The following VAV1 variants were observed in gnomAD, a reference collection of about 807,000 sequenced individuals.
VAV1 encodes the protein proto-oncogene vav.
VAV1 carries 33 observed loss-of-function variants against 128.1 expected under a neutral mutation model. That is an observed-to-expected ratio of 0.26 (90% CI 0.20 to 0.34). The LOEUF is 0.34. VAV1 is among the 10% of genes least tolerant of loss of function. The probability of loss-of-function intolerance (pLI) is 1.00; values close to 1 mark genes in which losing one functional copy is unlikely to be tolerated. For synonymous variants in VAV1, 394 were observed against 409.8 expected (o/e 0.96, Z 0.47); for missense variants, 715 against 1,093.7 (o/e 0.65, Z 4.88).
At chr19:6,813,986 A>C (rs1971567952) in intron 1 of VAV1, among the ~76,000 whole-genome samples, 1 of 152,154 alleles carries the variant, frequency 6.6e-6, no homozygotes, top group African/African-American at 2.4e-5. Flanking sequence ...TTTGAGCCCA[A>C]GAGGTCAAGG....
intron 1 of VAV1, among the ~76,000 whole-genome samples, chr19:6,793,048 T>C (rs958536504): frequency 3.3e-5 from 5 of 151,854 alleles, no homozygotes; most frequent in Non-Finnish European, 7.4e-5. Flanking sequence ...AAGGACCATA[T>C]ATATGGCCGG....
At chr19:6,781,378 C>A (rs1027152659) in intron 1 of VAV1, among the ~76,000 whole-genome samples, 3 of 152,170 alleles carry the variant, frequency 2.0e-5, no homozygotes, top group African/African-American at 7.2e-5. Flanking sequence ...TCTCTGCCGC[C>A]TCCCCGACAG....
intron 1 of VAV1, among the ~76,000 whole-genome samples, chr19:6,776,063 T>C (rs1381451060): frequency 6.7e-6 from 1 of 149,160 alleles, no homozygotes; most frequent in Non-Finnish European, 1.5e-5. Flanking sequence ...CATCTACCCA[T>C]CCATCCATCC....
At position 6,829,792 on chromosome 19, in the gene VAV1, C is replaced by T. The variant is rs1194130531; in HGVS notation, c.1272C>T (p.Ala424=). ...VERRSKMDRY[A]FLLDKALLIC... ...GCGTTATCCATCCTTCCAGGTATGC[C>T]TTCCTGCTCGACAAAGCTCTACTCA... The change falls in exon 14 of 27, where the codon GCC becomes GCT. Residue 424 remains alanine, a synonymous_variant. Transcript: ENST00000602142. The T allele has an allele frequency of 6.2e-7, 1 of 1,614,102 alleles. No homozygotes were observed. Among genetic ancestry groups the T allele is most frequent in the Non-Finnish European group, 8.5e-7 (1 of 1,179,988 alleles).
At chr19:6,789,414 A>G (rs2144710202) in intron 1 of VAV1, among the ~76,000 whole-genome samples, 2 of 151,960 alleles carry the variant, frequency 1.3e-5, no homozygotes, top group South Asian at 4.2e-4. Flanking sequence ...CACCATGCCC[A>G]GCTAATTTTT....
In VAV1 at chr19:6,848,252, G is replaced by C. The variant is rs191404005; in HGVS notation, c.2129+138G>C. On this transcript the variant is annotated intron_variant, in intron 23 of 26. Transcript: ENST00000602142. ...TTACTGAGCCCCTGCTGGTTCCCAC[G>C]TGCCTTTCACCTTCTTTATTTCTTT... The C allele has an allele frequency of 7.8e-6, 5 of 641,670 alleles. No individual in the cohort carries two copies. In the Admixed American group the frequency reaches 1.2e-4, roughly 15 times the overall value. The allele number at this position is 641,670 out of a possible 1,614,324, so 39.7% of individuals were successfully genotyped here.
At chr19:6,776,689 C>G (rs1198155406) in intron 1 of VAV1, among the ~76,000 whole-genome samples, 2 of 151,786 alleles carry the variant, frequency 1.3e-5, no homozygotes. Context: ...CCCATCCACC[C>G]ACCCACCCAT....
rs1259575437 is a variant in VAV1 at position 6,777,350 on chromosome 19, C to A, written c.204+4339C>A. The stretch of plus-strand genomic sequence containing the variant: ...GGGGACAGTGGGAATAGCACACACA[C>A]ACAAAAACCCCTGTTGTTGAGGAGC... On this transcript the variant is annotated intron_variant, in intron 1 of 26. Coordinates refer to ENST00000602142, the MANE Select transcript of VAV1 (RefSeq NM_005428.4). This position sits in a 1 kb window ranked among gnomAD's most constrained non-coding sequence, Gnocchi z 4.4. 6.6e-6 allele frequency among the ~76,000 whole-genome samples: 1 copy of A among 152,102 alleles called. No homozygotes were observed. Among genetic ancestry groups the A allele is most frequent in the Non-Finnish European group, 1.5e-5 (1 of 68,040 alleles).
intron 1 of VAV1, among the ~76,000 whole-genome samples, chr19:6,785,364 G>A (rs1264426778): frequency 3.3e-5 from 5 of 151,850 alleles, no homozygotes; most frequent in Non-Finnish European, 7.4e-5. Flanking sequence ...CGGGGTCTCT[G>A]TCTATTGTCC....
intron 1 of VAV1, among the ~76,000 whole-genome samples, chr19:6,778,874 CT>C (rs1033290621): frequency 0.019 from 2,744 of 142,274 alleles, 63 homozygotes; most frequent in African/African-American, 0.055. Context: ...CCCGTCTCTA[CT>C]TTTTTTTTTT....
chr19:6,817,142 G>A (rs903929997), intron 1 of VAV1, among the ~76,000 whole-genome samples: 10 of 151,508 alleles, frequency 6.6e-5, no homozygotes, highest in African/African-American at 2.4e-4. Flanking sequence ...TCCGCCTCCT[G>A]GTTCAAGCAA....
chr19:6,850,661 T>G lies in VAV1; in HGVS notation c.2130-9T>G. The G allele has an allele frequency of 6.2e-7, 1 of 1,613,966 alleles. No individual in the cohort carries two copies. The highest frequency in any genetic ancestry group is 8.5e-7 in the Non-Finnish European group (1 of 1,179,930). The stretch of plus-strand genomic sequence containing the variant: ...CCAGACTCAGGGCCCGGTGACCATC[T>G]GGTTCCAGATATAACGTCGAGGTCA... On this transcript the variant is annotated splice_polypyrimidine_tract_variant and intron_variant, in intron 23 of 26. Coordinates refer to ENST00000602142, the MANE Select transcript of VAV1 (RefSeq NM_005428.4).
chr19:6,785,032 T>C (rs1391706928), intron 1 of VAV1, among the ~76,000 whole-genome samples: 2 of 152,220 alleles, frequency 1.3e-5, no homozygotes, highest in Non-Finnish European at 2.9e-5. Context: ...CATTGCTCTC[T>C]GCACCGCAGC....
chr19:6,791,414 G>A (rs1049305795), intron 1 of VAV1, among the ~76,000 whole-genome samples: 8 of 151,744 alleles, frequency 5.3e-5, no homozygotes, highest in Non-Finnish European at 1.2e-4. Flanking sequence ...CTCATCTCGA[G>A]GTCCTTGAGC....
chr19:6,812,743 G>A (rs1971540411), intron 1 of VAV1, among the ~76,000 whole-genome samples: 1 of 152,132 alleles, frequency 6.6e-6, no homozygotes, highest in Non-Finnish European at 1.5e-5. Context: ...AGATGATGAT[G>A]GTGGTGATGC....
At chr19:6,839,031 T>G (rs1010225619) in intron 21 of VAV1, among the ~76,000 whole-genome samples, 1 of 152,038 alleles carries the variant, frequency 6.6e-6, no homozygotes, top group Non-Finnish European at 1.5e-5. Flanking sequence ...GCCTCCTGAG[T>G]AGCTAGGATT....
intron 1 of VAV1, among the ~76,000 whole-genome samples, chr19:6,792,261 C>T (rs1971034108): frequency 6.6e-6 from 1 of 151,888 alleles, no homozygotes; most frequent in Non-Finnish European, 1.5e-5. Context: ...GTGATGGTGG[C>T]CTCGACTGGG....
chr19:6,854,544 C>T (rs1448686817), intron 26 of VAV1, among the ~76,000 whole-genome samples: 1 of 151,936 alleles, frequency 6.6e-6, no homozygotes, highest in Admixed American at 6.6e-5. Flanking sequence ...GAGATCCCAC[C>T]TCTACATAAA....
At chr19:6,846,623 GC>G (rs977728240) in intron 22 of VAV1, among the ~76,000 whole-genome samples, 3 of 148,294 alleles carry the variant, frequency 2.0e-5, no homozygotes, top group African/African-American at 4.9e-5. Flanking sequence ...TATTTATGTT[GC>G]CCATTTACAT....
Sources: gnomAD v4.1 joint callset for allele counts (sites outside exome capture counted in the v4.1 genomes callset) on GRCh38, gnomAD v4.1.1 for gene constraint, Gnocchi (gnomAD v3.1) non-coding constraint, MANE v1.5 for transcripts, NCBI Gene and HGNC (gene_info 2026-07-23, HGNC 2026-07-21) for gene names.